Variants in CALN1 observed in about 807,000 individuals in gnomAD.
The protein encoded by CALN1 is calcium-binding protein 8.
A neutral mutation model predicts 30.6 loss-of-function variants in CALN1; 17 were observed. That is an observed-to-expected ratio of 0.56 (90% confidence interval 0.38 to 0.83). CALN1 has a LOEUF of 0.83. CALN1 is among the 40% of genes least tolerant of loss of function. CALN1 has a pLI of 0.00. For synonymous variants in CALN1, 156 were observed against 131.4 expected, an observed-to-expected ratio of 1.19 and a Z score of -1.28; for missense variants, 291 against 354.9, an observed-to-expected ratio of 0.82 and a Z score of 1.45.
intron 5 of CALN1, among the ~76,000 whole-genome samples, chr7:71,922,763 G>A (rs1038435178): frequency 6.9e-5 from 9 of 130,732 alleles, no homozygotes; most frequent in East Asian, 2.2e-4. Context: ...ATAACATACC[G>A]AATATATTAT....
intron 2 of CALN1, among the ~76,000 whole-genome samples, chr7:72,299,913 T>A (rs1365913604): frequency 6.6e-6 from 1 of 152,140 alleles, no homozygotes; most frequent in Non-Finnish European, 1.5e-5. Flanking sequence ...GTTGTTTTTT[T>A]CTGAGACGGA....
rs1369349405 is a variant in CALN1 at position 72,018,420 on chromosome 7, C to T, written c.501+5237G>A. 3.3e-5 allele frequency among the ~76,000 whole-genome samples: 5 copies of T among 152,250 alleles called. No homozygotes were observed. In the East Asian group the frequency reaches 9.7e-4, roughly 29 times the overall value. ...ACCATATCCTAAGGCTGACTCCATA[C>T]ACAGTTTCACATTTCCTCAGCAAAT... On this transcript the variant is annotated intron_variant, in intron 5 of 6. Coordinates refer to ENST00000395275, the MANE Select transcript of CALN1 (RefSeq NM_031468.4).
intron 3 of CALN1, among the ~76,000 whole-genome samples, chr7:72,191,110 G>A (rs781653229): frequency 3.3e-5 from 5 of 152,120 alleles, no homozygotes; most frequent in South Asian, 2.1e-4. Flanking sequence ...AGACAGATGC[G>A]CCAACGAATA....
At chr7:71,921,479 C>T (rs868785767) in intron 5 of CALN1, among the ~76,000 whole-genome samples, 19 of 152,004 alleles carry the variant, frequency 1.2e-4, no homozygotes, top group African/African-American at 4.4e-4. Context: ...AACCTTGGCA[C>T]AAAAGGATTC....
chr7:71,914,908 T>A (rs2117021370), intron 5 of CALN1, among the ~76,000 whole-genome samples: 1 of 152,342 alleles, frequency 6.6e-6, no homozygotes, highest in South Asian at 2.1e-4. Context: ...AACAAAAGTC[T>A]AATATCCAGT....
chr7:72,002,367 A>C (rs980080405), intron 5 of CALN1, among the ~76,000 whole-genome samples: 9 of 152,236 alleles, frequency 5.9e-5, no homozygotes, highest in African/African-American at 2.2e-4. Context: ...TTTTATAATA[A>C]AATGTTGACC....
At chr7:71,819,640 A>G (rs1486942824) in intron 5 of CALN1, among the ~76,000 whole-genome samples, 2 of 152,164 alleles carry the variant, frequency 1.3e-5, no homozygotes, top group Non-Finnish European at 2.9e-5. Context: ...ATCATTAAAC[A>G]CTATCTCCCC....
intron 5 of CALN1, among the ~76,000 whole-genome samples, chr7:71,973,918 G>A (rs1300990397): frequency 6.6e-6 from 1 of 152,172 alleles, no homozygotes; most frequent in Non-Finnish European, 1.5e-5. Context: ...CTTTTTAAAA[G>A]TAGCAGTTAG....
intron 5 of CALN1, among the ~76,000 whole-genome samples, chr7:71,940,255 A>C (rs939327653): frequency 1.4e-4 from 21 of 152,184 alleles, no homozygotes; most frequent in Non-Finnish European, 2.8e-4. Context: ...TGTATTTTAC[A>C]GTTTATGAGT....
At chr7:72,188,084 C>G (rs1437296584) in intron 3 of CALN1, among the ~76,000 whole-genome samples, 1 of 152,080 alleles carries the variant, frequency 6.6e-6, no homozygotes, top group Non-Finnish European at 1.5e-5. Flanking sequence ...AAGAACTGAA[C>G]GTAAAACTAC....
At chr7:72,079,874 G>C (rs1805011683) in intron 4 of CALN1, among the ~76,000 whole-genome samples, 1 of 145,268 alleles carries the variant, frequency 6.9e-6, no homozygotes, top group Non-Finnish European at 1.5e-5. Flanking sequence ...GGGTTCAAAT[G>C]ATTCTCCTGC....
intron 2 of CALN1, among the ~76,000 whole-genome samples, chr7:72,326,765 G>A (rs534050086): frequency 5.9e-5 from 9 of 152,166 alleles, no homozygotes; most frequent in South Asian, 2.1e-4. Flanking sequence ...AAATAAATTC[G>A]GTTTCCAATA....
At chr7:72,212,867 C>T (rs1391758915) in intron 3 of CALN1, among the ~76,000 whole-genome samples, 1 of 152,182 alleles carries the variant, frequency 6.6e-6, no homozygotes, top group Non-Finnish European at 1.5e-5. Flanking sequence ...AGTCTATCAA[C>T]CAGTCAGTAG....
At chr7:72,336,257 C>T (rs1452320685) in intron 2 of CALN1, among the ~76,000 whole-genome samples, 1 of 152,068 alleles carries the variant, frequency 6.6e-6, no homozygotes, top group Admixed American at 6.5e-5. Context: ...TGGTTGCCGC[C>T]GGGCGCTCCC....
chr7:71,993,299 G>GT (rs1799055787), intron 5 of CALN1, among the ~76,000 whole-genome samples: 1 of 152,056 alleles, frequency 6.6e-6, no homozygotes, highest in African/African-American at 2.4e-5. Context: ...TTAGATATAA[G>GT]TAAGTGCTCA....
Position 71,782,945 on chromosome 7 carries a change from T to G in CALN1, c.*4830A>C, listed in dbSNP as rs908964083. The G allele has an allele frequency of 6.6e-6, 1 of 152,068 alleles. No individual in the cohort carries two copies. The highest frequency in any genetic ancestry group is 2.4e-5 in the African/African-American group (1 of 41,380). The allele number at this position is 152,068 out of a possible 1,614,324, so 9.4% of individuals were successfully genotyped here. ...TTTTTTTTTTAGTAGAGATGGGGTT[T>G]CACCACGTTGGCCAGGCTGGTCTTG... On this transcript the variant is annotated 3_prime_UTR_variant, in exon 7 of 7. Transcript: ENST00000395275.
At chr7:72,094,268 C>G (rs932675681) in intron 4 of CALN1, among the ~76,000 whole-genome samples, 1 of 141,062 alleles carries the variant, frequency 7.1e-6, no homozygotes, top group Admixed American at 7.2e-5. Flanking sequence ...GGTGCACATA[C>G]CAGAATTTTT....
At chr7:72,205,066 T>C (rs182947876) in intron 3 of CALN1, among the ~76,000 whole-genome samples, 26 of 152,296 alleles carry the variant, frequency 1.7e-4, no homozygotes, top group Admixed American at 3.9e-4. Flanking sequence ...TGACATTTTG[T>C]TGCTTTATTT....
the CALN1 span, among the ~76,000 whole-genome samples, chr7:72,496,439 A>C: frequency 6.6e-6 from 1 of 152,222 alleles, no homozygotes; most frequent in South Asian, 2.1e-4. Flanking sequence ...CAACTATATC[A>C]TGTCCTTGGA....
Sources: allele counts gnomAD v4.1 joint callset (sites outside exome capture counted in the v4.1 genomes callset), GRCh38; gene constraint gnomAD v4.1.1; transcripts MANE v1.5; gene names NCBI Gene and HGNC (gene_info 2026-07-23, HGNC 2026-07-21).